Variants in SOX6 observed in about 807,000 individuals in gnomAD.
SOX6 encodes transcription factor SOX-6.
In SOX6, 11 loss-of-function variants were observed where a neutral mutation model predicts 97.8. The ratio of observed to expected loss-of-function variants is 0.11; its 90% confidence interval spans 0.07 to 0.19. SOX6 has a LOEUF of 0.19. SOX6 is among the 10% of genes least tolerant of loss of function. The probability of loss-of-function intolerance (pLI) is 1.00; values close to 1 mark genes in which losing one functional copy is unlikely to be tolerated. For missense variants in SOX6, 810 were observed against 1,039.5 expected, an observed-to-expected ratio of 0.78 and a Z score of 3.04; for synonymous variants, 360 against 371.4, an observed-to-expected ratio of 0.97 and a Z score of 0.35.
chr11:16,386,032 GCTCTCAAGCTCCC>G (rs977812939), intron 1 of SOX6, among the ~76,000 whole-genome samples: 4 of 152,110 alleles, frequency 2.6e-5, no homozygotes, highest in Admixed American at 6.6e-5. Context: ...CTTGAGTATG[GCTCTCAAGCTCCC>G]CCAGCCTTAT....
intron 1 of SOX6, among the ~76,000 whole-genome samples, chr11:16,343,722 G>A (rs1856703173): frequency 6.6e-6 from 1 of 151,816 alleles, no homozygotes; most frequent in African/African-American, 2.4e-5. Context: ...TCAGAGGGAA[G>A]TTTAGAAATT....
At chr11:16,219,103 T>C (rs945033981) in intron 4 of SOX6, among the ~76,000 whole-genome samples, 5 of 152,112 alleles carry the variant, frequency 3.3e-5, no homozygotes, top group African/African-American at 1.2e-4. Context: ...GTTATTTCTA[T>C]CATTTTGTAT....
At chr11:16,563,411 C>A (rs1459843048) in intron 4 of SOX6, among the ~76,000 whole-genome samples, 1 of 152,098 alleles carries the variant, frequency 6.6e-6, no homozygotes, top group Non-Finnish European at 1.5e-5. Flanking sequence ...TACCACTGCA[C>A]TCCAGCCTGG....
intron 3 of SOX6, among the ~76,000 whole-genome samples, chr11:16,690,838 G>A (rs567323307): frequency 2.6e-5 from 4 of 152,298 alleles, no homozygotes; most frequent in Admixed American, 6.5e-5. Flanking sequence ...CACCATAAAT[G>A]ACATATAGTA....
At chr11:16,364,038 C>T (rs1032349160) in intron 1 of SOX6, among the ~76,000 whole-genome samples, 20 of 152,184 alleles carry the variant, frequency 1.3e-4, no homozygotes, top group East Asian at 5.8e-4. Context: ...GGTATTTCCA[C>T]GAACATGCAG....
At chr11:16,324,459 T>C (rs998064334) in intron 2 of SOX6, among the ~76,000 whole-genome samples, 1 of 152,206 alleles carries the variant, frequency 6.6e-6, no homozygotes, top group Non-Finnish European at 1.5e-5. Flanking sequence ...ATCTATATGA[T>C]GAAATGTTTT....
chr11:16,583,638 C>CATATGTATATATATATATAT (rs1329710047), intron 4 of SOX6, among the ~76,000 whole-genome samples: 16 of 104,612 alleles, frequency 1.5e-4, no homozygotes, highest in South Asian at 5.8e-4. Flanking sequence ...TATATATATA[C>CATATGTATATATATATATAT]ACATACACAC....
intron 12 of SOX6, among the ~76,000 whole-genome samples, chr11:16,035,083 A>T (rs1855482961): frequency 6.6e-6 from 1 of 152,210 alleles, no homozygotes; most frequent in African/African-American, 2.4e-5. Flanking sequence ...ACATTCACAA[A>T]GTTTGCTCAC....
chr11:16,097,824 T>C (rs759867110), intron 7 of SOX6, 136 bp from the exon 8 acceptor site: 1 of 837,554 alleles, frequency 1.2e-6, no homozygotes, highest in Non-Finnish European at 2.0e-6. Context: ...ACAAAAGGCT[T>C]AGTTGGGCAC....
chr11:16,385,118 T>C (rs1857942489), intron 1 of SOX6, among the ~76,000 whole-genome samples: 1 of 152,106 alleles, frequency 6.6e-6, no homozygotes, highest in Non-Finnish European at 1.5e-5. Flanking sequence ...GAAGTAATAG[T>C]ACAGGGCTAG....
At chr11:16,478,414 C>T (rs535646437), upstream of SOX6, among the ~76,000 whole-genome samples, 20 of 152,250 alleles carry the variant, frequency 1.3e-4, no homozygotes, top group African/African-American at 4.8e-4. Flanking sequence ...AGATCTCTAA[C>T]TCTAGAAATA....
At position 16,650,099 on chromosome 11, in the gene SOX6, T is replaced by C. The variant is rs551050477; in HGVS notation, n.430-37839A>G. On this transcript the variant is annotated intron_variant and non_coding_transcript_variant, in intron 3 of 5. Coordinates refer to the SOX6 transcript ENST00000524520. ...GGAAAATATCACAAGCCTAAATACA[T>C]ATGCACCTAACACTAGAGCTCCCAA... is the stretch of plus-strand genomic sequence containing the variant. Among the ~76,000 whole-genome samples the C allele has an allele frequency of 6.6e-5, 10 of 152,212 alleles. No homozygotes were observed. In the South Asian group the frequency reaches 2.1e-3, roughly 32 times the overall value.
At chr11:16,173,359 T>C (rs1478821095) in intron 6 of SOX6, among the ~76,000 whole-genome samples, 1 of 151,792 alleles carries the variant, frequency 6.6e-6, no homozygotes, top group Non-Finnish European at 1.5e-5. Context: ...TTTCAGACCA[T>C]TGTTGATTCC....
intron 4 of SOX6, among the ~76,000 whole-genome samples, chr11:16,611,516 G>A (rs1439938959): frequency 6.6e-6 from 1 of 152,224 alleles, no homozygotes; most frequent in Non-Finnish European, 1.5e-5. Flanking sequence ...AAAACTTTAA[G>A]TCAGTACGGA....
At chr11:16,638,965 T>C (rs989265948) in intron 3 of SOX6, among the ~76,000 whole-genome samples, 2 of 152,228 alleles carry the variant, frequency 1.3e-5, no homozygotes, top group African/African-American at 4.8e-5. Context: ...TGCCATTGCT[T>C]TTGGTGTTTT....
intron 3 of SOX6, among the ~76,000 whole-genome samples, chr11:16,643,741 C>T (rs915645049): frequency 2.0e-5 from 3 of 152,154 alleles, no homozygotes; most frequent in Non-Finnish European, 1.5e-5. Context: ...TCCTGGTGTG[C>T]CGTTTGCTAA....
chr11:16,035,237 G>T (rs1010072890), intron 12 of SOX6, among the ~76,000 whole-genome samples: 3 of 152,176 alleles, frequency 2.0e-5, no homozygotes, highest in Non-Finnish European at 4.4e-5. Context: ...GGTGAAGTCC[G>T]TCTGTTATTG....
intron 4 of SOX6, among the ~76,000 whole-genome samples, chr11:16,230,869 C>A (rs1852827116): frequency 6.6e-6 from 1 of 151,392 alleles, no homozygotes. Context: ...GGAATAGAAC[C>A]AAAATCTGAT....
chr11:16,141,853 A>T (rs1850151883), intron 6 of SOX6, among the ~76,000 whole-genome samples: 1 of 152,152 alleles, frequency 6.6e-6, no homozygotes, highest in African/African-American at 2.4e-5. Flanking sequence ...CAAAGTGGCC[A>T]GGAAGCTCGA....
Sources: gnomAD v4.1 joint callset for allele counts (sites outside exome capture counted in the v4.1 genomes callset) on GRCh38, gnomAD v4.1.1 for gene constraint, MANE v1.5 for transcripts, NCBI Gene and HGNC (gene_info 2026-07-23, HGNC 2026-07-21) for gene names.